ACSF2: variants seen among roughly 807,000 people sequenced by gnomAD.
The protein encoded by ACSF2 is acyl-CoA synthetase family member 2.
In ACSF2, 52 loss-of-function variants were observed where a neutral mutation model predicts 79.3. That is an observed-to-expected ratio of 0.66 (90% CI 0.53 to 0.83). ACSF2 has a LOEUF of 0.83. Among genes scored for constraint, ACSF2 ranks in the 40% least tolerant of loss-of-function variants. The pLI is 0.00. For synonymous variants in ACSF2, 283 were observed against 312.6 expected, an observed-to-expected ratio of 0.91 and a Z score of 1.00; for missense variants, 661 against 803.3, an observed-to-expected ratio of 0.82 and a Z score of 2.14.
At chr17:50,446,605 G>A (rs1456042287) in intron 1 of ACSF2, among the ~76,000 whole-genome samples, 2 of 152,142 alleles carry the variant, frequency 1.3e-5, no homozygotes, top group Non-Finnish European at 2.9e-5. Context: ...CATGTAACCA[G>A]CACTCAAATC....
rs372501801 is a variant in ACSF2 at position 50,461,711 on chromosome 17, G to C, written c.507+25G>C. 8.1e-6 allele frequency: 13 copies of C among 1,613,910 alleles called. No homozygotes were observed. In the South Asian group the frequency reaches 1.3e-4, roughly 16 times the overall value. ...GGTACAGCTCATTTGTCGGGGAGGG[G>C]CCCGGCTGGGGCCTGGCACAGGGGG... On this transcript the variant is annotated intron_variant, in intron 4 of 15. Transcript: ENST00000300441.
chr17:50,440,535 A>G (rs1458197673), intron 1 of ACSF2, among the ~76,000 whole-genome samples: 1 of 152,220 alleles, frequency 6.6e-6, no homozygotes, highest in Non-Finnish European at 1.5e-5. Context: ...CTCCCTGCCA[A>G]CTGTGGCTCC....
chr17:50,470,848 A>C, intron 10 of ACSF2, 180 bp from the exon 11 acceptor site: 1 of 591,854 alleles, frequency 1.7e-6, no homozygotes, highest in East Asian at 2.8e-5. Flanking sequence ...TAGTCTGCTC[A>C]CTCCCAGCAC....
chr17:50,447,410 C>T (rs2031371297), intron 1 of ACSF2, among the ~76,000 whole-genome samples: 2 of 151,826 alleles, frequency 1.3e-5, no homozygotes, highest in Admixed American at 1.3e-4. Context: ...TGTGGTGGTG[C>T]GCGCTTAGAG....
chr17:50,440,831 G>A (rs889969015), intron 1 of ACSF2, among the ~76,000 whole-genome samples: 1 of 152,250 alleles, frequency 6.6e-6, no homozygotes, highest in South Asian at 2.1e-4. Flanking sequence ...ACTATGGGTT[G>A]GTGCCAGGAG....
At chr17:50,444,922 C>CT (rs536566863) in intron 1 of ACSF2, among the ~76,000 whole-genome samples, 41 of 151,694 alleles carry the variant, frequency 2.7e-4, no homozygotes, top group Middle Eastern at 3.4e-3. Context: ...GATAATGTGG[C>CT]TTTTTTTTGA....
intron 4 of ACSF2, 118 bp from the exon 5 acceptor site, chr17:50,462,066 A>C: frequency 2.5e-6 from 2 of 788,982 alleles, no homozygotes; most frequent in Non-Finnish European, 4.2e-6. Context: ...AGTGTGCTGG[A>C]GGTGTGTGTG....
chr17:50,438,002 T>G (rs371705291), intron 1 of ACSF2, among the ~76,000 whole-genome samples: 1 of 152,196 alleles, frequency 6.6e-6, no homozygotes. Context: ...CATCATAAAT[T>G]TAATATATGT....
intron 1 of ACSF2, among the ~76,000 whole-genome samples, chr17:50,432,537 A>C (rs1020971297): frequency 2.0e-5 from 3 of 152,236 alleles, no homozygotes; most frequent in Non-Finnish European, 4.4e-5. Context: ...AAAGCTGGTC[A>C]TGCATTCAAC....
Position 50,474,593 on chromosome 17 carries a change from C to T in ACSF2, c.*41C>T, listed in dbSNP as rs531889168. ...TGTCCTGGCCGGTTGGCTTGACTCT[C>T]TCCTGTCAGAATGCAACCTGGCTTT... On this transcript the variant is annotated 3_prime_UTR_variant, in exon 16 of 16. Coordinates refer to ENST00000300441, the MANE Select transcript of ACSF2 (RefSeq NM_025149.6). The surrounding 1 kb of genome is among the most constrained non-coding windows in gnomAD (Gnocchi z 4.2). 3.1e-6 allele frequency: 5 copies of T among 1,602,886 alleles called. No individual in the cohort carries two copies. The highest frequency in any genetic ancestry group is 1.1e-5 in the South Asian group (1 of 90,796).
chr17:50,434,406 G>A (rs935164759), intron 1 of ACSF2, among the ~76,000 whole-genome samples: 1 of 152,058 alleles, frequency 6.6e-6, no homozygotes, highest in Non-Finnish European at 1.5e-5. Context: ...TCTTTACTGG[G>A]CTGGGTGCGG....
Position 50,474,689 on chromosome 17 carries a change from A to C in ACSF2, c.*137A>C. 1.0e-6 allele frequency: 1 copy of C among 979,242 alleles called. No individual in the cohort carries two copies. 60.7% of individuals were successfully genotyped at this position (979,242 alleles called of 1,614,324 possible). ...AAATGTCAAGGAATTGACTGAACGAACTAAGAGCTCCTGGATGGGTCCGGG... is the reference window on the plus strand; with the variant it reads ...AAATGTCAAGGAATTGACTGAACGACCTAAGAGCTCCTGGATGGGTCCGGG... On this transcript the variant is annotated 3_prime_UTR_variant, in exon 16 of 16. Transcript: ENST00000300441. The surrounding 1 kb of genome is among the most constrained non-coding windows in gnomAD (Gnocchi z 4.2).
rs1392445663 is a variant in ACSF2 at position 50,460,560 on chromosome 17, T to C, written c.129-117T>C. On this transcript the variant is annotated intron_variant, in intron 1 of 15. Transcript: ENST00000300441. ...CTTACAAGAAGATCTGGAGGAAACC[T>C]AGTGGTCTCTAACACATTGTCAGCA... 3 of 875,770 alleles carry C rather than the reference T, an allele frequency of 3.4e-6. No homozygotes were observed. In the East Asian group the frequency reaches 8.0e-5, roughly 23 times the overall value. The allele number at this position is 875,770 out of a possible 1,614,324, so 54.2% of individuals were successfully genotyped here.
chr17:50,472,148 CCT>C, intron 11 of ACSF2: 2 of 439,294 alleles, frequency 4.6e-6, no homozygotes, highest in African/African-American at 4.2e-5. Flanking sequence ...AGTCCACAAA[CCT>C]CTTTCTTTGC....
intron 10 of ACSF2, chr17:50,468,306 C>A: frequency 6.2e-7 from 1 of 1,613,952 alleles, no homozygotes; most frequent in Non-Finnish European, 8.5e-7. Flanking sequence ...AGGTCCTTGG[C>A]TCCCTGGAAG....
Position 50,426,399 on chromosome 17 carries a change from C to T in ACSF2, c.128+10C>T, listed in dbSNP as rs1914982338. 2 of 1,320,578 alleles carry T rather than the reference C, an allele frequency of 1.5e-6. No homozygotes were observed. Among genetic ancestry groups the T allele is most frequent in the African/African-American group, 1.5e-5 (1 of 65,808 alleles). 81.8% of individuals were successfully genotyped at this position (1,320,578 alleles called of 1,614,324 possible). The stretch of plus-strand genomic sequence containing the variant: ...GTGTCCGCTTCCTCAGGTACTGGCC[C>T]CCCGCGGGAAGAGAGGGGGCGGGGC... On this transcript the variant is annotated intron_variant, in intron 1 of 15. Coordinates refer to ENST00000300441, the MANE Select transcript of ACSF2 (RefSeq NM_025149.6).
chr17:50,450,453 A>G lies in ACSF2; in HGVS notation c.129-10224A>G, dbSNP rs184905310. ...GAGGCAGAGGCTGCAGTGAGCCAAG[A>G]TCATGCCACTGCACTCCAGCCTGGG... On this transcript the variant is annotated intron_variant, in intron 1 of 15. Coordinates refer to ENST00000300441, the MANE Select transcript of ACSF2 (RefSeq NM_025149.6). 1.1e-3 allele frequency: 164 copies of G among 151,702 alleles called. 1 individual carries two copies. The highest frequency in any genetic ancestry group is 3.7e-3 in the African/African-American group (153 of 41,338). 9.4% of individuals were successfully genotyped at this position (151,702 alleles called of 1,614,324 possible).
intron 1 of ACSF2, among the ~76,000 whole-genome samples, chr17:50,439,338 G>A (rs2030707258): frequency 6.8e-6 from 1 of 147,546 alleles, no homozygotes; most frequent in Non-Finnish European, 1.5e-5. Flanking sequence ...ACCTCCCAAA[G>A]TGCTGGGATC....
chr17:50,445,620 C>T (rs1341495069), intron 1 of ACSF2, among the ~76,000 whole-genome samples: 3 of 152,006 alleles, frequency 2.0e-5, no homozygotes, highest in African/African-American at 7.3e-5. Flanking sequence ...CATAGGGAGA[C>T]ACTCTGACTC....
Sources: gnomAD v4.1 joint callset for allele counts (sites outside exome capture counted in the v4.1 genomes callset) on GRCh38, gnomAD v4.1.1 for gene constraint, Gnocchi (gnomAD v3.1) non-coding constraint, MANE v1.5 for transcripts, NCBI Gene and HGNC (gene_info 2026-07-23, HGNC 2026-07-21) for gene names.